Variants in FMNL2 observed in about 807,000 individuals in gnomAD.
FMNL2 encodes formin like 2, also known as formin-like protein 2.
A neutral mutation model predicts 130.2 loss-of-function variants in FMNL2; 51 were observed. That is an observed-to-expected ratio of 0.39 (90% CI 0.31 to 0.49). The LOEUF is 0.49. Among genes scored for constraint, FMNL2 ranks in the 20% least tolerant of loss-of-function variants. FMNL2 has a pLI of 0.85. For synonymous variants in FMNL2, 465 were observed against 467.1 expected (o/e 1.00, Z 0.06); for missense variants, 977 against 1,316.2 (o/e 0.74, Z 3.99).
intron 7 of FMNL2, chr2:152,578,587 A>ATTT (rs577799870): frequency 4.2e-5 from 6 of 141,866 alleles, no homozygotes; most frequent in African/African-American, 8.4e-5. Context: ...ATCATTGCCG[A>ATTT]TTTTTTTTTT....
At chr2:152,635,378 C>T (rs980846647) in intron 21 of FMNL2, among the ~76,000 whole-genome samples, 2 of 152,150 alleles carry the variant, frequency 1.3e-5, no homozygotes, top group Admixed American at 6.5e-5. Flanking sequence ...GTTGATGTTG[C>T]GAGTTGTCTT....
intron 1 of FMNL2, among the ~76,000 whole-genome samples, chr2:152,461,825 T>C (rs12623070): frequency 0.34 from 52,208 of 151,988 alleles, 9,690 homozygotes; most frequent in East Asian, 0.58. Flanking sequence ...AATAGAACTT[T>C]CTGTGATGAA....
At chr2:152,645,638 C>A in intron 25 of FMNL2, 1 of 532,932 alleles carries the variant, frequency 1.9e-6, no homozygotes, top group Non-Finnish European at 3.0e-6. Flanking sequence ...AGTTTTTGTA[C>A]CTCACATTCC....
intron 19 of FMNL2, 42 bp from the exon 20 acceptor site, chr2:152,629,783 T>C (rs770241481): frequency 5.0e-6 from 8 of 1,606,128 alleles, no homozygotes; most frequent in Non-Finnish European, 6.8e-6. Context: ...CAGTGCCTGA[T>C]GTGCTGTACT....
At chr2:152,470,069 G>A (rs895470221) in intron 1 of FMNL2, among the ~76,000 whole-genome samples, 2 of 152,112 alleles carry the variant, frequency 1.3e-5, no homozygotes, top group Non-Finnish European at 2.9e-5. Context: ...TCCCTGCTTT[G>A]TGTCTGTGTT....
intron 1 of FMNL2, among the ~76,000 whole-genome samples, chr2:152,472,201 T>C (rs1689896408): frequency 6.6e-6 from 1 of 152,194 alleles, no homozygotes; most frequent in African/African-American, 2.4e-5. Context: ...TTTATTGAAA[T>C]AGAAACCTCC....
At chr2:152,430,652 T>C (rs1687445317) in intron 1 of FMNL2, among the ~76,000 whole-genome samples, 1 of 152,142 alleles carries the variant, frequency 6.6e-6, no homozygotes, top group African/African-American at 2.4e-5. Context: ...GTGGGCGGAT[T>C]GCCTGAGCTC....
chr2:152,431,484 A>G (rs1371355722), intron 1 of FMNL2, among the ~76,000 whole-genome samples: 1 of 152,238 alleles, frequency 6.6e-6, no homozygotes, highest in African/African-American at 2.4e-5. Flanking sequence ...TTATGAGATG[A>G]AACACATTTC....
intron 10 of FMNL2, among the ~76,000 whole-genome samples, chr2:152,609,845 C>T (rs1199998458): frequency 6.6e-6 from 1 of 152,194 alleles, no homozygotes; most frequent in Non-Finnish European, 1.5e-5. Flanking sequence ...CTCTGCATCC[C>T]TCAATCATAT....
intron 25 of FMNL2, among the ~76,000 whole-genome samples, chr2:152,641,752 G>A (rs1016278833): frequency 1.6e-4 from 25 of 152,216 alleles, no homozygotes; most frequent in Admixed American, 1.3e-3. Context: ...CAACCAAGAC[G>A]TAGAATTTCA....
chr2:152,400,415 T>G (rs1409715081), intron 1 of FMNL2, among the ~76,000 whole-genome samples: 1 of 151,734 alleles, frequency 6.6e-6, no homozygotes, highest in Admixed American at 6.6e-5. Context: ...CAGGCCTGGG[T>G]GACAGAGCCA....
At chr2:152,442,973 C>G (rs1357745263) in intron 1 of FMNL2, among the ~76,000 whole-genome samples, 1 of 152,132 alleles carries the variant, frequency 6.6e-6, no homozygotes, top group Non-Finnish European at 1.5e-5. Flanking sequence ...AGGGATCGCT[C>G]GGGCCGCAGC....
At chr2:152,463,670 T>G (rs1689369795) in intron 1 of FMNL2, among the ~76,000 whole-genome samples, 1 of 152,230 alleles carries the variant, frequency 6.6e-6, no homozygotes, top group East Asian at 1.9e-4. Context: ...GCTACTCATG[T>G]GTCTCAAATT....
chr2:152,591,979 T>C lies in FMNL2; in HGVS notation c.876+10930T>C, dbSNP rs111949334. Among the ~76,000 whole-genome samples the C allele has an allele frequency of 6.3e-3, 966 of 152,262 alleles. 10 individuals carry two copies. The highest frequency in any genetic ancestry group is 0.022 in the African/African-American group (917 of 41,546). ...TAAGCCGGGTGTGGTGGCACGTGCC[T>C]GTAGTCCCAGCTACTCAGGAGGCTG... On this transcript the variant is annotated intron_variant, in intron 9 of 25. Coordinates refer to ENST00000288670, the MANE Select transcript of FMNL2 (RefSeq NM_052905.4).
intron 1 of FMNL2, among the ~76,000 whole-genome samples, chr2:152,487,640 A>T (rs986971765): frequency 2.0e-5 from 3 of 152,236 alleles, no homozygotes; most frequent in African/African-American, 7.2e-5. Context: ...AAACATCTTT[A>T]AAATGTATGT....
intron 6 of FMNL2, among the ~76,000 whole-genome samples, chr2:152,566,732 G>A (rs967840418): frequency 3.3e-5 from 5 of 152,178 alleles, no homozygotes; most frequent in African/African-American, 4.8e-5. Flanking sequence ...ACATGTTTGT[G>A]TACATGAGCA....
intron 1 of FMNL2, among the ~76,000 whole-genome samples, chr2:152,470,630 C>G (rs545778630): frequency 6.6e-6 from 1 of 152,140 alleles, no homozygotes; most frequent in East Asian, 1.9e-4. Flanking sequence ...AGTACATAGT[C>G]GCATCAATAA....
intron 1 of FMNL2, among the ~76,000 whole-genome samples, chr2:152,366,941 C>T (rs968817558): frequency 6.6e-6 from 1 of 152,164 alleles, no homozygotes; most frequent in African/African-American, 2.4e-5. Flanking sequence ...GCCTTGATTG[C>T]ACCACTGTAT....
chr2:152,643,749 G>A (rs552244635), intron 25 of FMNL2: 14 of 985,446 alleles, frequency 1.4e-5, no homozygotes, highest in South Asian at 4.7e-5. Flanking sequence ...CAGTCTGGGT[G>A]TGTTTGACAG....
Sources: gnomAD v4.1 joint callset for allele counts (sites outside exome capture counted in the v4.1 genomes callset) on GRCh38, gnomAD v4.1.1 for gene constraint, MANE v1.5 for transcripts, NCBI Gene and HGNC (gene_info 2026-07-23, HGNC 2026-07-21) for gene names.